The following INPP4A variants were observed in gnomAD, a reference collection of about 807,000 sequenced individuals.
INPP4A encodes inositol polyphosphate-4-phosphatase, type I, 107kD.
A neutral mutation model predicts 119.8 loss-of-function variants in INPP4A; 33 were observed. That is an observed-to-expected ratio of 0.28 (90% CI 0.21 to 0.37). The LOEUF (loss-of-function observed/expected upper bound fraction) is 0.37. Among genes scored for constraint, INPP4A ranks in the 10% least tolerant of loss-of-function variants. The pLI is 1.00. For synonymous variants in INPP4A, 496 were observed against 500.7 expected (o/e 0.99, Z 0.12); for missense variants, 956 against 1,289.9 (o/e 0.74, Z 3.97).
chr2:98,555,993 TCCATGTAACTGGAGC>T lies in INPP4A; in HGVS notation c.1822+192_1822+206del, dbSNP rs370583865. On this transcript the variant is annotated intron_variant, in intron 16 of 24. Coordinates refer to ENST00000409851, the MANE Select transcript of INPP4A (RefSeq NM_001134225.2). ...TGAGAGCGGAGTCTCCGGTTGCCTTTCCATGTAACTGGAGCCCATGTGTGATTCTGCATCTCTGCC... is the reference window on the plus strand; with the variant it reads ...TGAGAGCGGAGTCTCCGGTTGCCTTTCCATGTGTGATTCTGCATCTCTGCC... The T allele has an allele frequency of 5.2e-3, 3,212 of 622,186 alleles. 77 individuals are homozygous for T. In the African/African-American group the frequency reaches 0.053, roughly 10 times the overall value. The allele number at this position is 622,186 out of a possible 1,614,324, so 38.5% of individuals were successfully genotyped here.
chr2:98,566,408 G>A lies in INPP4A; in HGVS notation c.2420+239G>A, dbSNP rs1235289028. 6.6e-6 allele frequency among the ~76,000 whole-genome samples: 1 copy of A among 152,162 alleles called. No homozygotes were observed. Among genetic ancestry groups the A allele is most frequent in the Non-Finnish European group, 1.5e-5 (1 of 68,042 alleles). On this transcript the variant is annotated intron_variant, in intron 21 of 24. Coordinates refer to ENST00000409851, the MANE Select transcript of INPP4A (RefSeq NM_001134225.2). The surrounding 1 kb of genome is among the most constrained non-coding windows in gnomAD (Gnocchi z 4.2). ...TGGTGGGAGAGAGAGAGACATGGAT[G>A]CAATGATGAAGACAGATACAGGGCA...
At chr2:98,579,224 T>C (rs1407898289) in intron 24 of INPP4A, among the ~76,000 whole-genome samples, 1 of 152,154 alleles carries the variant, frequency 6.6e-6, no homozygotes, top group African/African-American at 2.4e-5. Context: ...TAATTTTTTG[T>C]ATTTTTAGTA....
In INPP4A at chr2:98,566,101, C is replaced by T. The variant is rs1352326016; in HGVS notation, c.2352C>T (p.Gly784=). The stretch of plus-strand genomic sequence containing the variant: ...CCTTGCCCCGGGAGATCCAGAGTGG[C>T]ATGCTGCTGCGAGTGCAGCCCGTCC... ...FDALPREIQS[G]MLLRVQPVLF... is the part of the protein sequence containing the mutation. Residue 784 remains glycine, a synonymous_variant, in exon 21 of 25, where the codon GGC becomes GGT. Transcript: ENST00000409851. The surrounding 1 kb of genome is among the most constrained non-coding windows in gnomAD (Gnocchi z 4.2). 1.3e-6 allele frequency: 2 copies of T among 1,599,090 alleles called. No homozygotes were observed. The highest frequency in any genetic ancestry group is 1.1e-5 in the South Asian group (1 of 88,086).
chr2:98,577,108 G>T lies in INPP4A; in HGVS notation c.2751G>T (p.Pro917=). Residue 917 remains proline, a synonymous_variant, in exon 24 of 25, where the codon CCG becomes CCT. Transcript: ENST00000409851. ...TGCAACACGAGCATGGCATGGCCCC[G>T]CAGGTCTTCACCCAGGCCCTGGAGT... The part of the protein sequence containing the change: ...LILQHEHGMA[P]QVFTQALECM... 6.2e-7 allele frequency: 1 copy of T among 1,613,348 alleles called. No individual in the cohort carries two copies. The highest frequency in any genetic ancestry group is 8.5e-7 in the Non-Finnish European group (1 of 1,179,562).
At chr2:98,559,335 A>T (rs1228021030) in intron 16 of INPP4A, 128 bp from the exon 17 acceptor site, 9 of 1,008,810 alleles carry the variant, frequency 8.9e-6, no homozygotes, top group Non-Finnish European at 1.4e-5. Context: ...AGGCACCCAG[A>T]CCTCTTTTCT....
chr2:98,545,807 C>T (rs1326724237), intron 11 of INPP4A, among the ~76,000 whole-genome samples, 162 bp from the exon 12 acceptor site: 2 of 152,182 alleles, frequency 1.3e-5, no homozygotes, highest in Non-Finnish European at 2.9e-5. Context: ...CCACCTGCCA[C>T]CTGGAAATGA....
Position 98,554,147 on chromosome 2 carries a change from C to G in INPP4A, c.1348-124C>G. On this transcript the variant is annotated intron_variant, in intron 14 of 24. Transcript: ENST00000409851. The surrounding 1 kb of genome is among the most constrained non-coding windows in gnomAD (Gnocchi z 4.7). The stretch of plus-strand genomic sequence containing the variant: ...GATGTAGCCCTTCAGTTGCTTTGCA[C>G]TGTGGAGAAAGGCAGAGGGGTGCAG... 1 of 701,986 alleles carries G rather than the reference C, an allele frequency of 1.4e-6. No homozygotes were observed. The highest frequency in any genetic ancestry group is 2.4e-6 in the Non-Finnish European group (1 of 425,484). The allele number at this position is 701,986 out of a possible 1,614,324, so 43.5% of individuals were successfully genotyped here.
At chr2:98,549,441 A>T (rs1231577738) in intron 13 of INPP4A, among the ~76,000 whole-genome samples, 2 of 152,222 alleles carry the variant, frequency 1.3e-5, no homozygotes, top group African/African-American at 4.8e-5. Flanking sequence ...TAACACTGTT[A>T]CCAAGGTCAG....
At chr2:98,582,819 A>C (rs1699508865) in intron 24 of INPP4A, among the ~76,000 whole-genome samples, 1 of 151,932 alleles carries the variant, frequency 6.6e-6, no homozygotes, top group Non-Finnish European at 1.5e-5. Flanking sequence ...CAGAAAGATC[A>C]CCTAGTGCAT....
chr2:98,472,988 G>A (rs1676368128), intron 1 of INPP4A, among the ~76,000 whole-genome samples: 1 of 150,906 alleles, frequency 6.6e-6, no homozygotes, highest in Non-Finnish European at 1.5e-5. Flanking sequence ...CGGGTGCAGT[G>A]TAGAGTGAGG....
At chr2:98,453,958 T>G (rs1416120918) in intron 1 of INPP4A, among the ~76,000 whole-genome samples, 1 of 152,042 alleles carries the variant, frequency 6.6e-6, no homozygotes, top group Non-Finnish European at 1.5e-5. Flanking sequence ...AATACAAAAA[T>G]TAGCTGGGTG....
chr2:98,532,709 A>G (rs1368448826), intron 4 of INPP4A, among the ~76,000 whole-genome samples: 1 of 149,340 alleles, frequency 6.7e-6, no homozygotes, highest in Non-Finnish European at 1.5e-5. Flanking sequence ...GTGTCTAAAC[A>G]TAGAAAAGGT....
intron 22 of INPP4A, 124 bp from the exon 23 acceptor site, chr2:98,572,691 T>G (rs890139495): frequency 1.6e-6 from 1 of 621,742 alleles, no homozygotes; most frequent in Admixed American, 2.9e-5. Flanking sequence ...CCTCCATCCC[T>G]TCTTCAACCG....
intron 4 of INPP4A, among the ~76,000 whole-genome samples, chr2:98,532,739 G>A (rs535111063): frequency 9.9e-5 from 15 of 152,256 alleles, no homozygotes; most frequent in African/African-American, 2.9e-4. Context: ...GTTCTGGGAC[G>A]TTAGGATGGC....
In INPP4A at chr2:98,533,422, G is replaced by C; in HGVS notation, c.197G>C (p.Ser66Thr). ...HTPSLDRKPN[S>T]FVAVSVTTPP... ...CCATCGCTAGATCGAAAGCCAAATA[G>C]TTTTGTTGCGGTGAGTGTCACCACC... Residue 66 changes from serine to threonine, a missense_variant, in exon 5 of 25, where the codon AGT (serine) becomes ACT (threonine). Physicochemically the swap from Ser to Thr is moderately conservative, Grantham distance 58. Transcript: ENST00000409851. 6.2e-7 allele frequency: 1 copy of C among 1,613,810 alleles called. No homozygotes were observed. Among genetic ancestry groups the C allele is most frequent in the Non-Finnish European group, 8.5e-7 (1 of 1,179,862 alleles).
intron 13 of INPP4A, chr2:98,548,847 T>C (rs1294933849): frequency 1.9e-6 from 2 of 1,032,920 alleles, no homozygotes; most frequent in African/African-American, 3.2e-5. Flanking sequence ...CAACAAATAA[T>C]TTTAAGTATT....
intron 24 of INPP4A, chr2:98,581,763 T>C (rs1490844151): frequency 6.2e-7 from 1 of 1,606,936 alleles, no homozygotes; most frequent in Non-Finnish European, 8.5e-7. Context: ...ATGAATATCA[T>C]TATGAAAAAT....
At chr2:98,463,057 G>A (rs1362197939) in intron 1 of INPP4A, among the ~76,000 whole-genome samples, 1 of 152,100 alleles carries the variant, frequency 6.6e-6, no homozygotes, top group Non-Finnish European at 1.5e-5. Flanking sequence ...GGCCAGGCTG[G>A]TCTTGAACTC....
intron 1 of INPP4A, among the ~76,000 whole-genome samples, chr2:98,461,436 C>T (rs956742005): frequency 2.6e-5 from 4 of 152,222 alleles, no homozygotes; most frequent in Non-Finnish European, 5.9e-5. Context: ...AGCAGGGCTC[C>T]TTGAAATCTT....
Sources: gnomAD v4.1 joint callset for allele counts (sites outside exome capture counted in the v4.1 genomes callset) on GRCh38, gnomAD v4.1.1 for gene constraint, Gnocchi (gnomAD v3.1) non-coding constraint, MANE v1.5 for transcripts, NCBI Gene and HGNC (gene_info 2026-07-23, HGNC 2026-07-21) for gene names.